ZNF536: variants seen among roughly 807,000 people sequenced by gnomAD.
The protein encoded by ZNF536 is zinc finger protein 536.
In ZNF536, 13 loss-of-function variants were observed where a neutral mutation model predicts 84.5. The ratio of observed to expected loss-of-function variants is 0.15; its 90% CI spans 0.10 to 0.24. ZNF536 has a LOEUF of 0.24. ZNF536 is among the 10% of genes least tolerant of loss of function. The probability of loss-of-function intolerance (pLI) is 1.00; values close to 1 mark genes in which losing one functional copy is unlikely to be tolerated. For missense variants in ZNF536, 1,536 were observed against 1,747.5 expected, an observed-to-expected ratio of 0.88 and a Z score of 2.16; for synonymous variants, 811 against 742.5, an observed-to-expected ratio of 1.09 and a Z score of -1.50.
intron 1 of ZNF536, among the ~76,000 whole-genome samples, chr19:30,687,097 A>G (rs2051219798): frequency 6.6e-6 from 1 of 152,178 alleles, no homozygotes; most frequent in South Asian, 2.1e-4. Flanking sequence ...CAGGCTGTAC[A>G]GACAGAGTTG....
chr19:30,468,720 C>A (rs2053513120), intron 2 of ZNF536, among the ~76,000 whole-genome samples: 1 of 152,076 alleles, frequency 6.6e-6, no homozygotes, highest in South Asian at 2.1e-4. Flanking sequence ...ACAGAAGCAG[C>A]AAATGTCGTG....
At chr19:30,249,109 A>G (rs2024459607) in intron 1 of ZNF536, among the ~76,000 whole-genome samples, 2 of 152,124 alleles carry the variant, frequency 1.3e-5, no homozygotes, top group African/African-American at 2.4e-5. Context: ...CATGTATTTC[A>G]TGGCTTTTGC....
intron 1 of ZNF536, among the ~76,000 whole-genome samples, chr19:30,606,595 T>G (rs1014084188): frequency 6.6e-6 from 1 of 152,218 alleles, no homozygotes. Context: ...AGGTGTTTGG[T>G]TGTCCCCTTT....
intron 2 of ZNF536, among the ~76,000 whole-genome samples, chr19:30,469,464 C>G (rs1190912238): frequency 6.6e-6 from 1 of 152,032 alleles, no homozygotes; most frequent in African/African-American, 2.4e-5. Context: ...CTGCTGCAGG[C>G]TTTATCACAC....
rs568874183 is a variant in ZNF536, at chr19:30,483,568, T to A, written c.2170+37836T>A. 4.9e-5 allele frequency among the ~76,000 whole-genome samples: 7 copies of A among 142,444 alleles called. No homozygotes were observed. The East Asian group carries it at 8.8e-4, about 18-fold the overall frequency. The allele number at this position is 142,444 out of a possible 152,430, so 93.4% of individuals were successfully genotyped here. A position where few individuals can be genotyped will look rare whatever the true frequency, so the allele number is the denominator to read the frequency against. ...TCTCACACCCCTTGGAGACCCCTCT[T>A]TCTGCTTCTTAAACAATTCTTGCGT... On this transcript the variant is annotated intron_variant, in intron 2 of 4. Coordinates refer to ENST00000355537, the MANE Select transcript of ZNF536 (RefSeq NM_014717.3).
rs2148194078 is a variant in ZNF536, at chr19:30,444,690, G to C, written c.1128G>C (p.Gln376His). ...KHKDSFEHCC[Q>H]ICGRRFKEPW... ...AAGACTCCTTTGAGCACTGCTGCCA[G>C]ATCTGCGGCCGGCGCTTCAAGGAGC... The change falls in exon 2 of 5, where the codon CAG (glutamine) becomes CAC (histidine). Residue 376 changes from glutamine (Q) to histidine (H), a missense_variant. This residue lies in a region of ZNF536 where 25 missense variants were observed against 78.9 expected (regional missense o/e 0.32). Transcript: ENST00000355537. 2 of 1,613,998 alleles carry C rather than the reference G, an allele frequency of 1.2e-6. No individual in the cohort carries two copies. The highest frequency in any genetic ancestry group is 1.7e-6 in the Non-Finnish European group (2 of 1,180,062).
At chr19:30,490,521 G>T (rs2054466692) in intron 2 of ZNF536, among the ~76,000 whole-genome samples, 1 of 152,032 alleles carries the variant, frequency 6.6e-6, no homozygotes, top group Non-Finnish European at 1.5e-5. Flanking sequence ...GAGTTTTTAG[G>T]GTCACTGTAG....
intron 1 of ZNF536, among the ~76,000 whole-genome samples, chr19:30,376,859 G>C (rs2048838512): frequency 6.6e-6 from 1 of 152,106 alleles, no homozygotes; most frequent in African/African-American, 2.4e-5. Context: ...CCCACCCCCA[G>C]GCTAGGACCT....
chr19:30,546,369 G>A (rs1478789186), intron 3 of ZNF536, among the ~76,000 whole-genome samples: 3 of 152,192 alleles, frequency 2.0e-5, no homozygotes, highest in East Asian at 3.8e-4. Context: ...TCCCTGCTGG[G>A]TTCCCTTCCT....
intron 1 of ZNF536, among the ~76,000 whole-genome samples, chr19:30,438,614 G>A (rs2051864086): frequency 6.6e-6 from 1 of 152,194 alleles, no homozygotes; most frequent in Non-Finnish European, 1.5e-5. Flanking sequence ...GGTGGGCTGG[G>A]AAAAGGGATA....
At chr19:30,377,375 G>A (rs149367263) in intron 1 of ZNF536, among the ~76,000 whole-genome samples, 1 of 152,108 alleles carries the variant, frequency 6.6e-6, no homozygotes, top group Non-Finnish European at 1.5e-5. Context: ...TTCTGTGGTC[G>A]CCAGAATGAT....
At chr19:30,284,733 C>T (rs1413965895) in intron 2 of ZNF536, among the ~76,000 whole-genome samples, 1 of 152,216 alleles carries the variant, frequency 6.6e-6, no homozygotes, top group African/African-American at 2.4e-5. Context: ...CCTGATATCT[C>T]TGTTAACTCA....
At chr19:30,312,264 G>A (rs769600752) in intron 2 of ZNF536, among the ~76,000 whole-genome samples, 4 of 152,088 alleles carry the variant, frequency 2.6e-5, no homozygotes, top group Non-Finnish European at 5.9e-5. Context: ...GAGAAGAGAA[G>A]GTCTGTGGGC....
chr19:30,708,894 C>T (rs1436269165), intron 1 of ZNF536, among the ~76,000 whole-genome samples: 3 of 152,194 alleles, frequency 2.0e-5, no homozygotes, highest in Non-Finnish European at 2.9e-5. Flanking sequence ...TATGTGTTTG[C>T]TTGTTCTCTG....
At chr19:30,673,391 T>G (rs1468633852) in intron 1 of ZNF536, among the ~76,000 whole-genome samples, 4 of 152,156 alleles carry the variant, frequency 2.6e-5, no homozygotes, top group African/African-American at 9.7e-5. Context: ...CTCCTCTCCC[T>G]GGGGGAAATC....
intron 1 of ZNF536, among the ~76,000 whole-genome samples, chr19:30,235,163 C>A (rs760233186): frequency 5.3e-5 from 8 of 152,156 alleles, no homozygotes; most frequent in Non-Finnish European, 4.4e-5. Flanking sequence ...TTGCTTAGTT[C>A]TTTTAATGCC....
At chr19:30,333,619 G>A (rs896734074) in intron 2 of ZNF536, among the ~76,000 whole-genome samples, 2 of 152,110 alleles carry the variant, frequency 1.3e-5, no homozygotes, top group African/African-American at 4.8e-5. Context: ...GTGTCCCAGT[G>A]TCTACCTTCT....
At chr19:30,561,240 T>C (rs149258025), downstream of ZNF536, among the ~76,000 whole-genome samples, 437 of 152,358 alleles carry the variant, frequency 2.9e-3, no homozygotes, top group African/African-American at 9.8e-3. Flanking sequence ...GTTGCTTTTT[T>C]CTTGAGTTGG....
At chr19:30,396,885 G>A (rs1006113655) in intron 1 of ZNF536, among the ~76,000 whole-genome samples, 22 of 152,120 alleles carry the variant, frequency 1.4e-4, no homozygotes, top group Admixed American at 6.5e-5. Context: ...GATTACAGGC[G>A]TGAACCACCG....
Sources: allele counts gnomAD v4.1 joint callset (sites outside exome capture counted in the v4.1 genomes callset), GRCh38; gene constraint gnomAD v4.1.1; regional missense constraint gnomAD v4.1.1; transcripts MANE v1.5; gene names NCBI Gene and HGNC (gene_info 2026-07-23, HGNC 2026-07-21).